Variants in ADGRV1 observed in about 807,000 individuals in gnomAD.
ADGRV1 encodes G-protein coupled receptor 98.
ADGRV1 carries 359 observed loss-of-function variants against 596.2 expected under a neutral mutation model. The ratio of observed to expected loss-of-function variants is 0.60; its 90% CI spans 0.55 to 0.66. The LOEUF is 0.66. Among genes scored for constraint, ADGRV1 ranks in the 30% least tolerant of loss-of-function variants. The pLI is 0.00. For synonymous variants in ADGRV1, 2,681 were observed against 2,679.2 expected (o/e 1.00, Z -0.02); for missense variants, 7,274 against 7,575.6 (o/e 0.96, Z 1.48).
chr5:90,639,631 G>C (rs1325081457), intron 11 of ADGRV1, among the ~76,000 whole-genome samples: 2 of 152,136 alleles, frequency 1.3e-5, no homozygotes, highest in Non-Finnish European at 2.9e-5. Flanking sequence ...TTTTCAAATA[G>C]AGGAAATTAG....
At chr5:91,003,457 T>C (rs1782005181) in intron 85 of ADGRV1, among the ~76,000 whole-genome samples, 1 of 152,162 alleles carries the variant, frequency 6.6e-6, no homozygotes, top group African/African-American at 2.4e-5. Flanking sequence ...ACTGGTGATA[T>C]TTTATATGAC....
At chr5:90,716,807 A>T in intron 43 of ADGRV1, 78 bp downstream of exon 43, 1 of 1,036,956 alleles carries the variant, frequency 9.6e-7, no homozygotes, top group Non-Finnish European at 1.4e-6. Flanking sequence ...ATGAGCACTC[A>T]AGTCCTAGAA....
At chr5:90,671,726 C>T (rs930212721) in intron 21 of ADGRV1, among the ~76,000 whole-genome samples, 19 of 151,942 alleles carry the variant, frequency 1.3e-4, no homozygotes, top group African/African-American at 4.4e-4. Flanking sequence ...ATTTTTGGTT[C>T]TTTTTTCTCC....
intron 1 of ADGRV1, among the ~76,000 whole-genome samples, chr5:90,576,220 C>T (rs922234663): frequency 3.9e-5 from 6 of 151,988 alleles, no homozygotes; most frequent in Admixed American, 1.3e-4. Context: ...CCCATCAACC[C>T]GTCATTTACA....
intron 85 of ADGRV1, among the ~76,000 whole-genome samples, chr5:91,040,839 G>A (rs1345453730): frequency 6.6e-6 from 1 of 152,142 alleles, no homozygotes; most frequent in East Asian, 1.9e-4. Context: ...AAGGACAACG[G>A]TCATAACACC....
At chr5:90,955,740 T>G (rs374939962) in intron 83 of ADGRV1, among the ~76,000 whole-genome samples, 1 of 152,208 alleles carries the variant, frequency 6.6e-6, no homozygotes, top group South Asian at 2.1e-4. Context: ...CTGTCAACTT[T>G]ATGTTGGATA....
intron 38 of ADGRV1, among the ~76,000 whole-genome samples, chr5:90,706,701 C>G (rs1262961322): frequency 3.4e-5 from 5 of 147,498 alleles, no homozygotes; most frequent in African/African-American, 1.3e-4. Context: ...TTCATGAAAA[C>G]TAAGTTTACC....
chr5:90,789,973 T>TA, intron 69 of ADGRV1, 122 bp downstream of exon 69: 1 of 625,532 alleles, frequency 1.6e-6, no homozygotes. Context: ...TACGTGAGTT[T>TA]TCAGAGAAAC....
intron 70 of ADGRV1, among the ~76,000 whole-genome samples, 158 bp from the exon 71 acceptor site, chr5:90,802,581 A>G (rs1343830379): frequency 6.6e-6 from 1 of 152,020 alleles, no homozygotes; most frequent in Non-Finnish European, 1.5e-5. Context: ...CTCACACCCT[A>G]CATACTGGTG....
chr5:90,870,811 A>G (rs1561875234), intron 83 of ADGRV1, among the ~76,000 whole-genome samples: 1 of 152,090 alleles, frequency 6.6e-6, no homozygotes, highest in Non-Finnish European at 1.5e-5. Context: ...CTCCACTAAT[A>G]TTTTCTTTCC....
chr5:90,849,151 G>A (rs1021011558), intron 79 of ADGRV1, among the ~76,000 whole-genome samples: 4 of 152,048 alleles, frequency 2.6e-5, no homozygotes, highest in South Asian at 2.1e-4. Flanking sequence ...CTTTAGGAGT[G>A]TTTTGATGTG....
chr5:90,718,141 C>T (rs1485745111), intron 43 of ADGRV1: 1 of 152,180 alleles, frequency 6.6e-6, no homozygotes, highest in African/African-American at 2.4e-5. Context: ...AGTAGTAACT[C>T]CCTATTACTC....
chr5:90,719,725 A>G (rs6880756), intron 43 of ADGRV1, among the ~76,000 whole-genome samples: 3,425 of 152,312 alleles, frequency 0.022, 126 homozygotes, highest in African/African-American at 0.08. Flanking sequence ...TTAGAATGAG[A>G]TTAATCAAGT....
chr5:90,976,533 G>C (rs956337224), intron 84 of ADGRV1, among the ~76,000 whole-genome samples: 5 of 151,730 alleles, frequency 3.3e-5, no homozygotes, highest in Admixed American at 3.3e-4. Context: ...CTTGCACTCT[G>C]AATATTTGTT....
intron 83 of ADGRV1, among the ~76,000 whole-genome samples, chr5:90,889,063 A>G (rs1168467851): frequency 6.6e-6 from 1 of 152,180 alleles, no homozygotes; most frequent in Non-Finnish European, 1.5e-5. Context: ...AGCAAGGTCT[A>G]CACTGGAGTG....
intron 57 of ADGRV1, among the ~76,000 whole-genome samples, chr5:90,757,609 TA>T (rs908422192): frequency 1.3e-5 from 2 of 152,034 alleles, no homozygotes; most frequent in Non-Finnish European, 2.9e-5. Flanking sequence ...CCTTTATAAT[TA>T]AAAAAATTGA....
At chr5:91,069,477 A>C (rs1232895266) in intron 85 of ADGRV1, among the ~76,000 whole-genome samples, 4 of 152,172 alleles carry the variant, frequency 2.6e-5, no homozygotes, top group Non-Finnish European at 5.9e-5. Flanking sequence ...TCAAAAGAAG[A>C]ATTACAAGCA....
rs2150102602 is a variant in ADGRV1 at position 90,783,225 on chromosome 5, C to T, written c.13333C>T (p.Pro4445Ser). 3 of 1,613,514 alleles carry T rather than the reference C, an allele frequency of 1.9e-6. No homozygotes were observed. Among genetic ancestry groups the T allele is most frequent in the Non-Finnish European group, 1.7e-6 (2 of 1,179,538 alleles). Residue 4445 changes from proline to serine, a missense_variant, in exon 66 of 90, where the codon CCC becomes TCC. Physicochemically the swap from Pro to Ser is moderately conservative, Grantham distance 74. Coordinates refer to ENST00000405460, the MANE Select transcript of ADGRV1 (RefSeq NM_032119.4). ...DFISQSSSAS[P>S]GGVDYILHGS... ...CATCTCTCAGAGCTCCTCTGCCAGT[C>T]CCGGAGGTGTTGATTACATTTTGCA...
chr5:91,022,270 C>G (rs1020571892), intron 85 of ADGRV1, among the ~76,000 whole-genome samples: 1 of 151,996 alleles, frequency 6.6e-6, no homozygotes, highest in Admixed American at 6.6e-5. Context: ...GATGACAGAT[C>G]TTCATGAGTA....
Sources: allele counts gnomAD v4.1 joint callset (sites outside exome capture counted in the v4.1 genomes callset), GRCh38; gene constraint gnomAD v4.1.1; transcripts MANE v1.5; gene names NCBI Gene and HGNC (gene_info 2026-07-23, HGNC 2026-07-21).